TPO: variants seen among roughly 807,000 people sequenced by gnomAD.
The protein encoded by TPO is thyroid peroxidase, also known as thyroid microsomal antigen.
In TPO, 78 loss-of-function variants were observed where a neutral mutation model predicts 96.9. That is an observed-to-expected ratio of 0.81 (90% CI 0.67 to 0.97). TPO has a LOEUF of 0.97. TPO is among the 50% of genes least tolerant of loss of function. The pLI is 0.00. For synonymous variants in TPO, 547 were observed against 538.0 expected, an observed-to-expected ratio of 1.02 and a Z score of -0.23; for missense variants, 1,252 against 1,274.8, an observed-to-expected ratio of 0.98 and a Z score of 0.27.
intron 7 of TPO, among the ~76,000 whole-genome samples, chr2:1,475,814 G>A (rs1669871032): frequency 1.3e-5 from 2 of 152,214 alleles, no homozygotes; most frequent in Admixed American, 6.5e-5. Context: ...CTGAGCCAAG[G>A]CTGGGGCCTC....
intron 5 of TPO, among the ~76,000 whole-genome samples, chr2:1,442,529 C>T (rs1666299336): frequency 6.6e-6 from 1 of 152,052 alleles, no homozygotes; most frequent in Non-Finnish European, 1.5e-5. Context: ...GATGAATTCA[C>T]CTAGATACTT....
At chr2:1,397,051 T>G (rs543067396) in intron 1 of TPO, among the ~76,000 whole-genome samples, 2 of 152,192 alleles carry the variant, frequency 1.3e-5, no homozygotes, top group Non-Finnish European at 2.9e-5. Context: ...TGTTGGAACA[T>G]TATCAAGGCT....
chr2:1,389,619 A>G (rs1661965235), intron 1 of TPO, among the ~76,000 whole-genome samples: 1 of 152,140 alleles, frequency 6.6e-6, no homozygotes, highest in Admixed American at 6.5e-5. Context: ...TTTGCTCAGT[A>G]GGGCTTCCTC....
chr2:1,480,604 A>ACACACACACACACC (rs1670465094), intron 8 of TPO, among the ~76,000 whole-genome samples: 1 of 141,434 alleles, frequency 7.1e-6, no homozygotes, highest in Non-Finnish European at 1.5e-5. Context: ...ACACACACAC[A>ACACACACACACACC]CGAGCCAGCC....
At chr2:1,387,055 C>T (rs1316110278) in intron 1 of TPO, among the ~76,000 whole-genome samples, 1 of 152,202 alleles carries the variant, frequency 6.6e-6, no homozygotes, top group Admixed American at 6.5e-5. Context: ...TCTCTTCTGG[C>T]TTGTAGAGTT....
intron 14 of TPO, among the ~76,000 whole-genome samples, chr2:1,507,475 A>G (rs896477889): frequency 6.6e-6 from 1 of 152,210 alleles, no homozygotes; most frequent in Non-Finnish European, 1.5e-5. Context: ...TACCTTGGGC[A>G]GTATGGTCAT....
At position 1,474,186 on chromosome 2, in the gene TPO, C is replaced by G. The variant is rs188784041; in HGVS notation, c.820-2900C>G. On this transcript the variant is annotated intron_variant, in intron 7 of 16. Coordinates refer to ENST00000329066, the MANE Select transcript of TPO (RefSeq NM_001206744.2). ...TCCAATCTATTCTATTTCTATTTAA[C>G]CAGGAATGGTAAGTAATAGTAAATT... 1.3e-3 allele frequency among the ~76,000 whole-genome samples: 197 copies of G among 152,252 alleles called. 1 individual carries two copies. The highest frequency in any genetic ancestry group is 4.5e-3 in the African/African-American group (185 of 41,550).
chr2:1,408,703 TATAAC>T (rs1437662639), upstream of TPO, among the ~76,000 whole-genome samples: 9 of 152,362 alleles, frequency 5.9e-5, no homozygotes, highest in African/African-American at 1.4e-4. Flanking sequence ...TAATTAATCT[TATAAC>T]ATAAAAACTT....
At chr2:1,500,920 C>T (rs4927620) in intron 13 of TPO, among the ~76,000 whole-genome samples, 50,706 of 149,398 alleles carry the variant, frequency 0.34, 8,691 homozygotes, top group South Asian at 0.42. Context: ...TTCAGTGAGC[C>T]GAGATTGCAC....
intron 1 of TPO, among the ~76,000 whole-genome samples, chr2:1,386,406 G>A (rs886409155): frequency 4.6e-5 from 7 of 152,270 alleles, no homozygotes; most frequent in Middle Eastern, 3.4e-3. Context: ...TCCTGTATTA[G>A]GTGCATATAT....
At chr2:1,462,098 C>T (rs1397974116) in intron 7 of TPO, among the ~76,000 whole-genome samples, 2 of 152,328 alleles carry the variant, frequency 1.3e-5, no homozygotes, top group Admixed American at 1.3e-4. Context: ...TCTTCTGGCT[C>T]TTCTGGGCCA....
chr2:1,426,464 C>G (rs1664406746), intron 3 of TPO, among the ~76,000 whole-genome samples: 1 of 152,100 alleles, frequency 6.6e-6, no homozygotes, highest in African/African-American at 2.4e-5. Flanking sequence ...GTTCTAGATG[C>G]CGGGATACAG....
At chr2:1,517,082 C>T (rs532703138) in intron 15 of TPO, 100 bp downstream of exon 15, 1 of 1,239,404 alleles carries the variant, frequency 8.1e-7, no homozygotes, top group Non-Finnish European at 1.1e-6. Context: ...GAAGCTAACA[C>T]AGGTTACTGG....
In TPO at chr2:1,477,090, C is replaced by T. The variant is rs377400722; in HGVS notation, c.824C>T (p.Pro275Leu). The T allele has an allele frequency of 6.2e-6, 10 of 1,603,212 alleles. No individual in the cohort carries two copies. The highest frequency in any genetic ancestry group is 2.2e-5 in the East Asian group (1 of 44,736). Residue 275 changes from proline to leucine, a missense_variant, in exon 8 of 17, where the codon CCG (proline) becomes CTG (leucine). Coordinates refer to ENST00000329066, the MANE Select transcript of TPO (RefSeq NM_001206744.2). Reference protein sequence around the residue: ...NQNPCFPIQLPEEARPAAGTA... With the variant: ...NQNPCFPIQLLEEARPAAGTA... Reference sequence around the variant, plus strand: ...TGAACTCCCCTTTGCCTGCAGCTCCCGGAGGAGGCCCGGCCGGCCGCGGGC... The same window carrying T: ...TGAACTCCCCTTTGCCTGCAGCTCCTGGAGGAGGCCCGGCCGGCCGCGGGC...
intron 7 of TPO, among the ~76,000 whole-genome samples, chr2:1,459,084 G>C (rs903168425): frequency 1.3e-5 from 2 of 151,986 alleles, no homozygotes; most frequent in African/African-American, 4.8e-5. Flanking sequence ...AGAAAAGAAA[G>C]AGACAATATA....
rs774822549 is a variant in TPO, at chr2:1,493,985, C to T, written c.1952C>T (p.Pro651Leu). ...TTCCTCCCCAGGGCTCGGACAGGGC[C>T]CCTGTTTGCCTGTCTCATTGGGAAG... ...ENFLPRARTG[P>L]LFACLIGKQM... The change falls in exon 11 of 17, where the codon CCC (proline) becomes CTC (leucine). Residue 651 changes from proline to leucine, a missense_variant. Transcript: ENST00000329066. 1.2e-6 allele frequency: 2 copies of T among 1,614,010 alleles called. No individual in the cohort carries two copies. Among genetic ancestry groups the T allele is most frequent in the Non-Finnish European group, 8.5e-7 (1 of 1,180,038 alleles).
rs1427076343 is a variant in TPO at position 1,484,771 on chromosome 2, A to G, written c.1514A>G (p.Asp505Gly). The change falls in exon 9 of 17, where the codon GAC (aspartate) becomes GGC (glycine). Residue 505 changes from aspartate (D) to glycine (G), a missense_variant. Coordinates refer to ENST00000329066, the MANE Select transcript of TPO (RefSeq NM_001206744.2). The stretch of plus-strand genomic sequence containing the variant: ...ATCCACCCGCTGGTGAGGAGGCTGG[A>G]CGCCAGCTTCCAGGAGCACCCCGAC... ...ATIHPLVRRL[D>G]ASFQEHPDLP... 6.2e-7 allele frequency: 1 copy of G among 1,613,932 alleles called. No individual in the cohort carries two copies.
At chr2:1,417,154 A>G (rs1224619234) in intron 2 of TPO, among the ~76,000 whole-genome samples, 1 of 152,264 alleles carries the variant, frequency 6.6e-6, no homozygotes, top group South Asian at 2.1e-4. Flanking sequence ...GTACTCAGCG[A>G]AAAGTATCAG....
chr2:1,387,165 T>C (rs2148352074), intron 1 of TPO, among the ~76,000 whole-genome samples: 1 of 152,320 alleles, frequency 6.6e-6, no homozygotes, highest in South Asian at 2.1e-4. Flanking sequence ...CATTTCAACT[T>C]TGGTGAATCT....
Sources: allele counts gnomAD v4.1 joint callset (sites outside exome capture counted in the v4.1 genomes callset), GRCh38; gene constraint gnomAD v4.1.1; transcripts MANE v1.5; gene names NCBI Gene and HGNC (gene_info 2026-07-23, HGNC 2026-07-21).